NFATC3: variants seen among roughly 807,000 people sequenced by gnomAD.
NFATC3 encodes the protein nuclear factor of activated T cells 3, also known as nuclear factor of activated T-cells, cytoplasmic 3.
In NFATC3, 46 loss-of-function variants were observed where a neutral mutation model predicts 98.6. The ratio of observed to expected loss-of-function variants is 0.47; its 90% CI spans 0.37 to 0.60. NFATC3 has a LOEUF of 0.60. Among genes scored for constraint, NFATC3 ranks in the 20% least tolerant of loss-of-function variants. NFATC3 has a pLI of 0.00. For missense variants in NFATC3, 1,256 were observed against 1,295.5 expected, an observed-to-expected ratio of 0.97 and a Z score of 0.47; for synonymous variants, 512 against 472.2, an observed-to-expected ratio of 1.08 and a Z score of -1.09.
intron 3 of NFATC3, among the ~76,000 whole-genome samples, chr16:68,157,100 G>A (rs926991930): frequency 4.6e-5 from 7 of 151,332 alleles, no homozygotes; most frequent in Admixed American, 3.3e-4. Flanking sequence ...TCACTACTGC[G>A]ATTCAGCCTT....
chr16:68,179,903 G>C (rs950560534), intron 6 of NFATC3, among the ~76,000 whole-genome samples: 1 of 152,216 alleles, frequency 6.6e-6, no homozygotes, highest in Non-Finnish European at 1.5e-5. Flanking sequence ...TAAGTGCACA[G>C]TATGGGAACA....
At chr16:68,131,339 G>A (rs914172567) in intron 3 of NFATC3, among the ~76,000 whole-genome samples, 1 of 152,134 alleles carries the variant, frequency 6.6e-6, no homozygotes, top group Non-Finnish European at 1.5e-5. Flanking sequence ...GTACAGCGGT[G>A]TGATATTGGC....
intron 3 of NFATC3, among the ~76,000 whole-genome samples, chr16:68,144,446 A>C (rs74461934): frequency 6.6e-6 from 1 of 151,922 alleles, no homozygotes; most frequent in Admixed American, 6.6e-5. Context: ...AAAAAAAAAA[A>C]CTTATGTTTA....
chr16:68,089,027 T>C, intron 1 of NFATC3: 2 of 985,476 alleles, frequency 2.0e-6, no homozygotes, highest in Non-Finnish European at 2.4e-6. Flanking sequence ...CACTGCTCTT[T>C]CGTGGTAGAG....
chr16:68,214,758 G>C (rs2041566308), intron 9 of NFATC3, among the ~76,000 whole-genome samples: 1 of 152,182 alleles, frequency 6.6e-6, no homozygotes, highest in Non-Finnish European at 1.5e-5. Context: ...TTGCTGATCA[G>C]GTATGTAAGC....
Position 68,228,675 on chromosome 16 carries a change from G to A in NFATC3, c.*2204G>A, listed in dbSNP as rs142270392. On this transcript the variant is annotated 3_prime_UTR_variant, in exon 10 of 10. Transcript: ENST00000346183. ...AATATTTTTTGGCTTTGTAGATAAAGACTTAAATTTTTGTGCAACATAGTG... is the reference window on the plus strand; with the variant it reads ...AATATTTTTTGGCTTTGTAGATAAAAACTTAAATTTTTGTGCAACATAGTG... 1 of 152,718 alleles carries A rather than the reference G, an allele frequency of 6.5e-6. No individual in the cohort carries two copies. Among genetic ancestry groups the A allele is most frequent in the African/African-American group, 2.4e-5 (1 of 41,568 alleles). The allele number at this position is 152,718 out of a possible 1,614,324, so 9.5% of individuals were successfully genotyped here.
intron 1 of NFATC3, chr16:68,086,511 G>A (rs2034385265): frequency 4.0e-6 from 1 of 247,728 alleles, no homozygotes; most frequent in Admixed American, 6.5e-5. Flanking sequence ...GGAAAGCTGG[G>A]CACCATCATG....
intron 4 of NFATC3, among the ~76,000 whole-genome samples, chr16:68,163,152 T>G (rs2038978631): frequency 6.6e-6 from 1 of 152,146 alleles, no homozygotes; most frequent in Non-Finnish European, 1.5e-5. Context: ...TACACAGACA[T>G]GGCAACCATC....
At chr16:68,221,293 C>T (rs1199724172) in intron 9 of NFATC3, 3 of 1,613,604 alleles carry the variant, frequency 1.9e-6, no homozygotes, top group Non-Finnish European at 2.5e-6. Flanking sequence ...AGGTGAGAGC[C>T]TGAACCCAGA....
chr16:68,147,223 A>G (rs2038081627), intron 3 of NFATC3, among the ~76,000 whole-genome samples: 1 of 152,216 alleles, frequency 6.6e-6, no homozygotes, highest in African/African-American at 2.4e-5. Flanking sequence ...GGTATAGAGT[A>G]CTTGCCAGTA....
At chr16:68,136,155 A>G (rs947177904) in intron 3 of NFATC3, among the ~76,000 whole-genome samples, 2 of 152,232 alleles carry the variant, frequency 1.3e-5, no homozygotes, top group Non-Finnish European at 2.9e-5. Flanking sequence ...ACAAAATGCT[A>G]CTTAAATTAC....
At chr16:68,088,366 T>C (rs36046686) in intron 1 of NFATC3, among the ~76,000 whole-genome samples, 17,296 of 146,160 alleles carry the variant, frequency 0.12, 1,161 homozygotes, top group South Asian at 0.2. Flanking sequence ...AAAATACATA[T>C]ATATTTACAT....
intron 9 of NFATC3, chr16:68,217,757 C>T: frequency 8.1e-7 from 1 of 1,231,464 alleles, no homozygotes; most frequent in Non-Finnish European, 1.0e-6. Flanking sequence ...GAGTCTTAGC[C>T]CGAGGAAGGG....
intron 6 of NFATC3, 98 bp downstream of exon 6, chr16:68,174,612 A>G (rs1385703153): frequency 3.0e-6 from 3 of 998,994 alleles, no homozygotes; most frequent in East Asian, 5.6e-5. Context: ...AGTAGTTTTC[A>G]TAAAGCTATG....
chr16:68,222,289 C>CCAAAAAAAAA lies in NFATC3; in HGVS notation c.3107-4061_3107-4060insCAAAAAAAAA, dbSNP rs1372339245. Among the ~76,000 whole-genome samples the CCAAAAAAAAA allele has an allele frequency of 5.7e-4, 15 of 26,400 alleles. 1 individual carries two copies. Among genetic ancestry groups the CCAAAAAAAAA allele is most frequent in the African/African-American group, 1.2e-3 (13 of 10,738 alleles). The allele number at this position is 26,400 out of a possible 152,430, so 17.3% of individuals were successfully genotyped here. On this transcript the variant is annotated intron_variant, in intron 9 of 9. Coordinates refer to ENST00000346183, the MANE Select transcript of NFATC3 (RefSeq NM_173165.3). ...GGGCAACAGAGTGAGACCCCATTGC[C>CCAAAAAAAAA]AAAAAAAAAAAAAAAAAAAAAAAAA...
intron 9 of NFATC3, among the ~76,000 whole-genome samples, chr16:68,219,641 A>G (rs1258674994): frequency 6.6e-6 from 1 of 152,220 alleles, no homozygotes; most frequent in Non-Finnish European, 1.5e-5. Context: ...AATACCTTTA[A>G]TCTTCAGGTT....
chr16:68,148,642 G>A (rs996689154), intron 3 of NFATC3, among the ~76,000 whole-genome samples: 4 of 152,138 alleles, frequency 2.6e-5, no homozygotes, highest in African/African-American at 9.7e-5. Flanking sequence ...GGAATTTGAC[G>A]TACTGGATAT....
chr16:68,112,745 G>A (rs1439719205), intron 1 of NFATC3, among the ~76,000 whole-genome samples: 3 of 134,518 alleles, frequency 2.2e-5, no homozygotes, highest in Middle Eastern at 8.4e-3. Flanking sequence ...TGCAAGCTCC[G>A]CTTCCTGGGT....
At chr16:68,160,422 G>A (rs898963368) in intron 4 of NFATC3, among the ~76,000 whole-genome samples, 7 of 152,068 alleles carry the variant, frequency 4.6e-5, no homozygotes, top group African/African-American at 7.2e-5. Context: ...CCCAGATTGC[G>A]CCATTGCACT....
Sources: gnomAD v4.1 joint callset for allele counts (sites outside exome capture counted in the v4.1 genomes callset) on GRCh38, gnomAD v4.1.1 for gene constraint, MANE v1.5 for transcripts, NCBI Gene and HGNC (gene_info 2026-07-23, HGNC 2026-07-21) for gene names.